Variants in FRMPD4 observed in about 807,000 individuals in gnomAD.
FRMPD4 encodes the protein FERM and PDZ domain-containing protein 4.
A neutral mutation model predicts 94.1 loss-of-function variants in FRMPD4; 22 were observed. That is an observed-to-expected ratio of 0.23 (90% CI 0.17 to 0.33). The LOEUF (loss-of-function observed/expected upper bound fraction) is 0.33, where lower values mean the gene tolerates loss of function less well. Among genes scored for constraint, FRMPD4 ranks in the 10% least tolerant of loss-of-function variants. The pLI is 1.00. For missense variants in FRMPD4, 1,111 were observed against 1,339.9 expected (o/e 0.83, Z 2.67); for synonymous variants, 631 against 548.6 (o/e 1.15, Z -2.10).
At chrX:12,275,886 C>T (rs1347829691) in intron 1 of FRMPD4, among the ~76,000 whole-genome samples, 1 of 111,364 alleles carries the variant, frequency 9.0e-6, no homozygotes, top group Admixed American at 9.5e-5. Context: ...AGCTTTGGCC[C>T]AGAAGACGCA....
intron 3 of FRMPD4, among the ~76,000 whole-genome samples, chrX:12,115,620 A>T (rs1293674697): frequency 1.3e-5 from 1 of 74,250 alleles, no homozygotes. Context: ...AGTATCCCCC[A>T]ATGCTGGCCT....
chrX:12,655,526 AG>A (rs2059645332), intron 4 of FRMPD4, among the ~76,000 whole-genome samples: 1 of 112,296 alleles, frequency 8.9e-6, no homozygotes, highest in Admixed American at 9.4e-5. Flanking sequence ...ACAGTATGGT[AG>A]CCTCTAGTTA....
At chrX:12,148,875 A>C (rs1259917333) in intron 1 of FRMPD4, among the ~76,000 whole-genome samples, 1 of 112,242 alleles carries the variant, frequency 8.9e-6, no homozygotes, top group Admixed American at 9.5e-5. Context: ...CAAAGCCTGG[A>C]TGACAGTACA....
intron 4 of FRMPD4, among the ~76,000 whole-genome samples, chrX:12,657,702 T>C (rs2059671903): frequency 8.9e-6 from 1 of 112,155 alleles, no homozygotes; most frequent in Non-Finnish European, 1.9e-5. Flanking sequence ...CAATGAGCTG[T>C]ACACTCAAGG....
intron 3 of FRMPD4, among the ~76,000 whole-genome samples, chrX:11,906,037 G>A (rs922101102): frequency 9.0e-6 from 1 of 111,205 alleles, no homozygotes; most frequent in Non-Finnish European, 1.9e-5. Context: ...CCCTGATCTT[G>A]ACAAACATTG....
intron 1 of FRMPD4, among the ~76,000 whole-genome samples, chrX:12,263,126 A>G (rs1394938127): frequency 8.9e-6 from 1 of 111,966 alleles, no homozygotes; most frequent in African/African-American, 3.2e-5. Context: ...GTAATGAGCA[A>G]ACAACCTAAG....
chrX:12,242,329 C>G (rs1161506265), intron 1 of FRMPD4, among the ~76,000 whole-genome samples: 4 of 110,808 alleles, frequency 3.6e-5, no homozygotes, highest in Non-Finnish European at 7.6e-5. Flanking sequence ...AGCATCCTTT[C>G]CAAACTGACC....
intron 2 of FRMPD4, among the ~76,000 whole-genome samples, chrX:12,537,869 T>C (rs957919516): frequency 9.0e-6 from 1 of 111,461 alleles, no homozygotes; most frequent in Non-Finnish European, 1.9e-5. Context: ...CTTATAAATA[T>C]GGTGAAAAGG....
At position 12,721,332 on chromosome X, in the gene FRMPD4, G is replaced by A. The variant is rs1352491883; in HGVS notation, c.4763G>A (p.Arg1588Gln). The A allele has an allele frequency of 1.3e-6, 1 of 755,488 alleles. No homozygotes were observed. The allele number at this position is 755,488 out of a possible 1,213,427, so 62.3% of individuals were successfully genotyped here. ...LDFSNLAFDA[R>Q]IARINALKES... is the part of the protein sequence containing the mutation. Reference sequence around the variant, plus strand: ...TTCAGCAACCTGGCTTTTGATGCCCGGATTGCAAGAATAAATGCCCTAAAG... The same window carrying A: ...TTCAGCAACCTGGCTTTTGATGCCCAGATTGCAAGAATAAATGCCCTAAAG... Residue 1588 changes from arginine to glutamine, a missense_variant, in exon 17 of 17, where the codon CGG (arginine) becomes CAG (glutamine). Physicochemically the swap from Arg to Gln is conservative, Grantham distance 43. Around this residue, in one of 8 missense-constraint regions of FRMPD4, gnomAD observed 551 missense variants for 591.6 expected, o/e 0.93. Transcript: ENST00000675598.
chrX:11,909,515 C>T (rs376304092), intron 3 of FRMPD4, among the ~76,000 whole-genome samples: 1 of 109,834 alleles, frequency 9.1e-6, no homozygotes, highest in Admixed American at 9.8e-5. Context: ...ATTTATTCAT[C>T]GTTTTTCTGT....
intron 1 of FRMPD4, among the ~76,000 whole-genome samples, chrX:12,479,393 T>TACATATATAC (rs1569293515): frequency 2.9e-5 from 3 of 102,435 alleles, no homozygotes; most frequent in Non-Finnish European, 3.9e-5. Context: ...CATATATATA[T>TACATATATAC]ACATATATAC....
chrX:12,314,982 T>C (rs2055092137), intron 1 of FRMPD4, among the ~76,000 whole-genome samples: 1 of 112,588 alleles, frequency 8.9e-6, no homozygotes, highest in African/African-American at 3.2e-5. Context: ...AATGCATTCT[T>C]AAAGAAAGAA....
intron 14 of FRMPD4, among the ~76,000 whole-genome samples, chrX:12,713,502 G>C (rs55649145): frequency 3.9e-5 from 4 of 102,939 alleles, no homozygotes; most frequent in Non-Finnish European, 5.9e-5. Context: ...GAGAGAGAGA[G>C]AGACAGAGAG....
chrX:12,435,470 A>G (rs1187258734), intron 1 of FRMPD4, among the ~76,000 whole-genome samples: 1 of 111,666 alleles, frequency 9.0e-6, no homozygotes, highest in Non-Finnish European at 1.9e-5. Context: ...TGCATCTTAA[A>G]CACATCTAAG....
chrX:12,226,243 G>A (rs916374058), intron 1 of FRMPD4, among the ~76,000 whole-genome samples: 2 of 111,098 alleles, frequency 1.8e-5, no homozygotes, highest in African/African-American at 6.6e-5. Context: ...TAGCTGGGAC[G>A]ACAGTTGAGT....
intron 1 of FRMPD4, among the ~76,000 whole-genome samples, chrX:12,378,446 C>A (rs757594500): frequency 8.9e-6 from 1 of 112,544 alleles, no homozygotes; most frequent in East Asian, 2.8e-4. Context: ...GGGCAGTGAA[C>A]CTGAACTTGG....
intron 3 of FRMPD4, among the ~76,000 whole-genome samples, chrX:12,012,502 T>C (rs1180971348): frequency 8.9e-6 from 1 of 112,209 alleles, no homozygotes; most frequent in Non-Finnish European, 1.9e-5. Context: ...TTCTTAGCTC[T>C]TCATTTACTT....
chrX:12,418,036 A>T (rs2056831246), intron 1 of FRMPD4, among the ~76,000 whole-genome samples: 1 of 108,812 alleles, frequency 9.2e-6, no homozygotes, highest in Admixed American at 9.7e-5. Flanking sequence ...CAACAAAAAC[A>T]TTGTTCTGAG....
At chrX:12,144,494 C>A (rs2055736175) in intron 1 of FRMPD4, among the ~76,000 whole-genome samples, 1 of 106,996 alleles carries the variant, frequency 9.3e-6, no homozygotes, top group African/African-American at 3.4e-5. Flanking sequence ...CAGAACTGTT[C>A]TTTCAGAAAT....
Sources: gnomAD v4.1 joint callset for allele counts (sites outside exome capture counted in the v4.1 genomes callset) on GRCh38, gnomAD v4.1.1 for gene constraint, gnomAD v4.1.1 regional missense constraint, MANE v1.5 for transcripts, NCBI Gene and HGNC (gene_info 2026-07-23, HGNC 2026-07-21) for gene names.